NBAS: variants seen among roughly 807,000 people sequenced by gnomAD.
The protein encoded by NBAS is NBAS subunit of NRZ tethering complex, also known as NAG/BC035112 fusion.
In NBAS, 219 loss-of-function variants were observed where a neutral mutation model predicts 302.5. That is an observed-to-expected ratio of 0.72 (90% CI 0.65 to 0.81). NBAS has a LOEUF of 0.81. Ranked by LOEUF, NBAS falls within the 30% of genes least tolerant of loss-of-function variation. NBAS has a pLI of 0.00. For missense variants in NBAS, 2,932 were observed against 2,841.6 expected, an observed-to-expected ratio of 1.03 and a Z score of -0.72; for synonymous variants, 1,118 against 1,021.6, an observed-to-expected ratio of 1.09 and a Z score of -1.80.
chr2:15,511,148 G>T, intron 10 of NBAS, 64 bp downstream of exon 10: 2 of 1,593,420 alleles, frequency 1.3e-6, no homozygotes, highest in Non-Finnish European at 1.7e-6. Context: ...GGACTTATTT[G>T]TCTAAGACAA....
the NBAS span, among the ~76,000 whole-genome samples, chr2:14,928,266 C>T: frequency 0.011 from 1,651 of 152,270 alleles, 25 homozygotes; most frequent in African/African-American, 0.037. Flanking sequence ...AAATGCAAGC[C>T]TAGTGAACAC....
the NBAS span, among the ~76,000 whole-genome samples, chr2:14,889,739 T>C: frequency 1.3e-5 from 2 of 152,184 alleles, no homozygotes; most frequent in African/African-American, 4.8e-5. Context: ...AATTTGACTA[T>C]GGTATATTGC....
At chr2:14,815,014 G>A in the NBAS span, among the ~76,000 whole-genome samples, 1 of 152,232 alleles carries the variant, frequency 6.6e-6, no homozygotes, top group Non-Finnish European at 1.5e-5. Context: ...CTGCCACCAT[G>A]TGAAGACATG....
chr2:14,937,256 G>A, the NBAS span, among the ~76,000 whole-genome samples: 33 of 152,330 alleles, frequency 2.2e-4, no homozygotes, highest in African/African-American at 7.7e-4. Context: ...AGTACAGACT[G>A]TTTCTAGGAT....
chr2:15,034,242 A>AAGAT, the NBAS span, among the ~76,000 whole-genome samples: 1 of 87,336 alleles, frequency 1.1e-5, no homozygotes, highest in African/African-American at 4.9e-5. Flanking sequence ...GAAGGAAAGA[A>AAGAT]AGAAAGAAAG....
intron 48 of NBAS, among the ~76,000 whole-genome samples, chr2:15,203,037 T>C (rs530657569): frequency 6.6e-6 from 1 of 152,316 alleles, no homozygotes; most frequent in South Asian, 2.1e-4. Context: ...TTAGCCTCAG[T>C]GCTTTCATAT....
the NBAS span, among the ~76,000 whole-genome samples, chr2:14,943,336 T>A: frequency 6.6e-6 from 1 of 152,208 alleles, no homozygotes; most frequent in Non-Finnish European, 1.5e-5. Flanking sequence ...ATCTTACCAA[T>A]TTCATGTATA....
At chr2:15,114,638 G>T in the NBAS span, among the ~76,000 whole-genome samples, 1 of 152,054 alleles carries the variant, frequency 6.6e-6, no homozygotes, top group Non-Finnish European at 1.5e-5. Context: ...AATAAAGGAG[G>T]GAGGACCATA....
chr2:14,981,186 C>A, the NBAS span, among the ~76,000 whole-genome samples: 1 of 152,104 alleles, frequency 6.6e-6, no homozygotes, highest in African/African-American at 2.4e-5. Context: ...AATGAAAACA[C>A]CATGTTAAAT....
the NBAS span, among the ~76,000 whole-genome samples, chr2:14,860,983 A>G: frequency 0.13 from 19,776 of 152,236 alleles, 2,320 homozygotes; most frequent in African/African-American, 0.31. Context: ...TCTATTATGT[A>G]TCAATTTTAA....
chr2:14,986,886 T>C, the NBAS span, among the ~76,000 whole-genome samples: 50 of 152,014 alleles, frequency 3.3e-4, no homozygotes, highest in African/African-American at 1.1e-3. Flanking sequence ...TCAAATTCCA[T>C]AGGAAAAAAT....
the NBAS span, among the ~76,000 whole-genome samples, chr2:14,814,089 G>A: frequency 2.0e-5 from 3 of 152,220 alleles, no homozygotes; most frequent in African/African-American, 4.8e-5. Flanking sequence ...CCTCCTCCTA[G>A]ATTTCAGAGG....
chr2:15,556,013 C>T (rs933146522), intron 3 of NBAS, among the ~76,000 whole-genome samples: 2 of 152,100 alleles, frequency 1.3e-5, no homozygotes, highest in Non-Finnish European at 2.9e-5. Context: ...ATTGCTCTAT[C>T]CTATCATATC....
At chr2:14,843,607 A>C in the NBAS span, among the ~76,000 whole-genome samples, 1 of 149,142 alleles carries the variant, frequency 6.7e-6, no homozygotes, top group Non-Finnish European at 1.5e-5. Context: ...AGGACCAAAA[A>C]TCAGGTGAGT....
At chr2:15,079,483 T>A in the NBAS span, among the ~76,000 whole-genome samples, 1 of 152,172 alleles carries the variant, frequency 6.6e-6, no homozygotes, top group Non-Finnish European at 1.5e-5. Context: ...AGCTGGGATC[T>A]GCCAGGGCCA....
the NBAS span, among the ~76,000 whole-genome samples, chr2:14,880,268 CT>C: frequency 3.8e-4 from 58 of 152,154 alleles, no homozygotes; most frequent in African/African-American, 1.3e-3. Context: ...AATCTAAGAC[CT>C]TTTAGGATGA....
At chr2:15,397,340 T>C (rs1395570411) in intron 26 of NBAS, 3 of 233,050 alleles carry the variant, frequency 1.3e-5, no homozygotes, top group Non-Finnish European at 2.5e-5. Flanking sequence ...CAAGATCTTA[T>C]GGTTTTATTT....
At chr2:15,166,824 TG>T, downstream of NBAS, 1 of 483,070 alleles carries the variant, frequency 2.1e-6, no homozygotes, top group Non-Finnish European at 3.5e-6. Flanking sequence ...AAAAGGAGGG[TG>T]GGAAGGAAGA....
intron 44 of NBAS, among the ~76,000 whole-genome samples, chr2:15,247,743 T>G (rs1668168860): frequency 6.6e-6 from 1 of 151,298 alleles, no homozygotes; most frequent in Non-Finnish European, 1.5e-5. Context: ...TAGATCTATA[T>G]ATATTTATAT....
Sources: allele counts gnomAD v4.1 joint callset (sites outside exome capture counted in the v4.1 genomes callset), GRCh38; gene constraint gnomAD v4.1.1; transcripts MANE v1.5; gene names NCBI Gene and HGNC (gene_info 2026-07-23, HGNC 2026-07-21).